The following CDH12 variants were observed in gnomAD, a reference collection of about 807,000 sequenced individuals.
CDH12 encodes the protein cadherin-12.
CDH12 carries 41 observed loss-of-function variants against 74.1 expected under a neutral mutation model. That is an observed-to-expected ratio of 0.55 (90% CI 0.43 to 0.72). The LOEUF (loss-of-function observed/expected upper bound fraction) is 0.72, where lower values mean the gene tolerates loss of function less well. Among genes scored for constraint, CDH12 ranks in the 30% least tolerant of loss-of-function variants. The probability of loss-of-function intolerance (pLI) is 0.00; values close to 1 mark genes in which losing one functional copy is unlikely to be tolerated. For missense variants in CDH12, 945 were observed against 977.2 expected, an observed-to-expected ratio of 0.97 and a Z score of 0.44; for synonymous variants, 399 against 355.0, an observed-to-expected ratio of 1.12 and a Z score of -1.39.
chr5:22,581,645 G>A (rs1453822262), intron 1 of CDH12, among the ~76,000 whole-genome samples: 2 of 152,248 alleles, frequency 1.3e-5, no homozygotes, highest in South Asian at 4.2e-4. Context: ...TGTGAGAAGA[G>A]GGCCACCATC....
At chr5:22,674,860 G>A (rs991373960) in intron 1 of CDH12, among the ~76,000 whole-genome samples, 1 of 152,058 alleles carries the variant, frequency 6.6e-6, no homozygotes, top group Non-Finnish European at 1.5e-5. Context: ...CATGATTTAG[G>A]GTATCTGGCA....
intron 3 of CDH12, among the ~76,000 whole-genome samples, chr5:22,242,179 A>T (rs983487289): frequency 6.6e-6 from 1 of 152,188 alleles, no homozygotes; most frequent in East Asian, 1.9e-4. Context: ...AATATTAATC[A>T]GGAAAAATGA....
chr5:22,362,320 A>T lies in CDH12; in HGVS notation c.-333+42937T>A, dbSNP rs188709997. Among the ~76,000 whole-genome samples, 1,214 of 152,348 alleles carry T rather than the reference A, an allele frequency of 8.0e-3. 13 individuals are homozygous for T. Among genetic ancestry groups the T allele is most frequent in the Middle Eastern group, 0.01 (3 of 294 alleles). On this transcript the variant is annotated intron_variant, in intron 3 of 14. Coordinates refer to ENST00000382254, the MANE Select transcript of CDH12 (RefSeq NM_004061.5). ...GAAGACATCTATGCAGCCAACAGAC[A>T]CATGAAAAAATGTTCATCATCACTG...
chr5:21,832,295 C>A, intron 8 of CDH12, among the ~76,000 whole-genome samples: 1 of 151,998 alleles, frequency 6.6e-6, no homozygotes, highest in East Asian at 1.9e-4. Context: ...TTCATGCTCT[C>A]GTTAGCAAAT....
intron 1 of CDH12, among the ~76,000 whole-genome samples, chr5:22,706,411 A>G (rs1348893717): frequency 6.6e-6 from 1 of 152,074 alleles, no homozygotes. Context: ...CATATACACA[A>G]ACTAAAAAGA....
chr5:22,668,040 C>T (rs945792293), intron 1 of CDH12, among the ~76,000 whole-genome samples: 1 of 152,260 alleles, frequency 6.6e-6, no homozygotes, highest in South Asian at 2.1e-4. Context: ...GCCATAATGG[C>T]TCAGCAAATA....
intron 1 of CDH12, among the ~76,000 whole-genome samples, chr5:22,776,316 T>C (rs775981200): frequency 1.3e-5 from 2 of 152,170 alleles, no homozygotes; most frequent in Non-Finnish European, 2.9e-5. Flanking sequence ...TATTTAATAA[T>C]TAATTCAACA....
chr5:22,791,887 G>T (rs1027049647), intron 1 of CDH12, among the ~76,000 whole-genome samples: 9 of 152,250 alleles, frequency 5.9e-5, no homozygotes, highest in African/African-American at 2.2e-4. Flanking sequence ...CCCTTGACAT[G>T]TTGGGATTAC....
chr5:21,890,445 G>C (rs1457705189), intron 6 of CDH12, among the ~76,000 whole-genome samples: 1 of 152,058 alleles, frequency 6.6e-6, no homozygotes, highest in Non-Finnish European at 1.5e-5. Context: ...TGGAAAATAA[G>C]AAGAGTGAAA....
intron 1 of CDH12, among the ~76,000 whole-genome samples, chr5:22,838,651 CTGTGTGTGTGTGTG>C (rs369033220): frequency 6.3e-4 from 90 of 143,954 alleles, no homozygotes; most frequent in Middle Eastern, 3.7e-3. Flanking sequence ...GTGAGAGTGT[CTGTGTGTGTGTGTG>C]TGTGTGTGTG....
At chr5:22,467,084 C>A in intron 2 of CDH12, among the ~76,000 whole-genome samples, 1 of 152,052 alleles carries the variant, frequency 6.6e-6, no homozygotes, top group Non-Finnish European at 1.5e-5. Context: ...CGTGCCCGGC[C>A]TGCTCCCTGG....
chr5:21,957,505 T>C (rs1340913746), intron 6 of CDH12, among the ~76,000 whole-genome samples: 1 of 152,228 alleles, frequency 6.6e-6, no homozygotes, highest in Non-Finnish European at 1.5e-5. Flanking sequence ...CTTTCCACAA[T>C]AGTTGAACTA....
At chr5:22,507,875 C>G (rs149969477) in intron 1 of CDH12, among the ~76,000 whole-genome samples, 81 of 152,278 alleles carry the variant, frequency 5.3e-4, no homozygotes, top group African/African-American at 1.9e-3. Context: ...GGGGAAAATC[C>G]ATTTCTCGCC....
chr5:22,528,982 C>T (rs1289908348), intron 1 of CDH12, among the ~76,000 whole-genome samples: 1 of 110,288 alleles, frequency 9.1e-6, no homozygotes, highest in Non-Finnish European at 1.9e-5. Flanking sequence ...CTATATTAGG[C>T]AGGGTTCCCC....
intron 4 of CDH12, among the ~76,000 whole-genome samples, chr5:22,159,289 A>G (rs1748193298): frequency 6.6e-6 from 1 of 152,182 alleles, no homozygotes; most frequent in Admixed American, 6.5e-5. Context: ...ACTCTGGTTT[A>G]ATATGGTGAC....
chr5:22,539,599 C>T (rs755754099), intron 1 of CDH12, among the ~76,000 whole-genome samples: 4 of 152,106 alleles, frequency 2.6e-5, no homozygotes, highest in Non-Finnish European at 4.4e-5. Flanking sequence ...AAATGCATGT[C>T]AGAGTGTGAT....
At chr5:22,422,723 T>A (rs1231435734) in intron 2 of CDH12, among the ~76,000 whole-genome samples, 1 of 152,164 alleles carries the variant, frequency 6.6e-6, no homozygotes, top group African/African-American at 2.4e-5. Flanking sequence ...TGGCTACAAA[T>A]ACAGTCATTT....
intron 2 of CDH12, among the ~76,000 whole-genome samples, chr5:22,427,704 G>C (rs1332867516): frequency 6.6e-6 from 1 of 152,072 alleles, no homozygotes; most frequent in Non-Finnish European, 1.5e-5. Flanking sequence ...GGTTAAAAAA[G>C]GTTGCTAGAT....
intron 4 of CDH12, among the ~76,000 whole-genome samples, chr5:22,153,903 T>TATACACACACAC (rs1478012877): frequency 1.5e-4 from 17 of 111,098 alleles, no homozygotes; most frequent in Non-Finnish European, 2.4e-4. Context: ...TATATATATA[T>TATACACACACAC]ACACACACAT....
Sources: allele counts gnomAD v4.1 joint callset (sites outside exome capture counted in the v4.1 genomes callset), GRCh38; gene constraint gnomAD v4.1.1; transcripts MANE v1.5; gene names NCBI Gene and HGNC (gene_info 2026-07-23, HGNC 2026-07-21).